The following CAMK4 variants were observed in gnomAD, a reference collection of about 807,000 sequenced individuals.
The protein encoded by CAMK4 is calcium/calmodulin-dependent protein kinase type IV.
In CAMK4, 22 loss-of-function variants were observed where a neutral mutation model predicts 44.9. That is an observed-to-expected ratio of 0.49 (90% CI 0.35 to 0.70). The LOEUF (loss-of-function observed/expected upper bound fraction) is 0.70, where lower values mean the gene tolerates loss of function less well. Ranked by LOEUF, CAMK4 falls within the 30% of genes least tolerant of loss-of-function variation. The pLI is 0.01. For synonymous variants in CAMK4, 218 were observed against 215.4 expected, an observed-to-expected ratio of 1.01 and a Z score of -0.11; for missense variants, 498 against 586.8, an observed-to-expected ratio of 0.85 and a Z score of 1.56.
At chr5:111,269,883 G>T (rs148381287) in intron 1 of CAMK4, 1 of 152,232 alleles carries the variant, frequency 6.6e-6, no homozygotes, top group East Asian at 1.9e-4. Flanking sequence ...AGTCTGTCCC[G>T]TGTTTTTTAG....
intron 2 of CAMK4, among the ~76,000 whole-genome samples, chr5:111,365,792 A>T (rs1750770872): frequency 6.6e-6 from 1 of 152,138 alleles, no homozygotes; most frequent in South Asian, 2.1e-4. Flanking sequence ...GAACAAGAGG[A>T]TAAAGATAAA....
rs1247182925 is a variant in CAMK4, at chr5:111,446,792, C to G, written c.550+16C>G. The G allele has an allele frequency of 3.3e-6, 5 of 1,526,076 alleles. No individual in the cohort carries two copies. The African/African-American group carries it at 5.5e-5, about 17-fold the overall frequency. 94.5% of individuals were successfully genotyped at this position (1,526,076 alleles called of 1,614,324 possible). The stretch of plus-strand genomic sequence containing the variant: ...CTCAAAATCGGTGAGAACATTTCTT[C>G]TTGTTTTGTGACCCCTTTTTTCAGA... On this transcript the variant is annotated intron_variant, in intron 6 of 10. Transcript: ENST00000282356.
intron 4 of CAMK4, among the ~76,000 whole-genome samples, chr5:111,393,991 G>A (rs1012978868): frequency 6.6e-6 from 1 of 151,234 alleles, no homozygotes; most frequent in Non-Finnish European, 1.5e-5. Context: ...AGGGATGAAA[G>A]GGAAGGATGG....
intron 1 of CAMK4, among the ~76,000 whole-genome samples, chr5:111,259,298 TA>T (rs778818357): frequency 6.6e-6 from 1 of 152,208 alleles, no homozygotes; most frequent in Non-Finnish European, 1.5e-5. Flanking sequence ...AGTCTCTAAA[TA>T]AATGGAAAAT....
rs150642262 is a variant in CAMK4 at position 111,442,863 on chromosome 5, C to A, written c.460-3823C>A. Among the ~76,000 whole-genome samples the A allele has an allele frequency of 9.5e-3, 1,418 of 149,202 alleles. 13 individuals are homozygous for A. The highest frequency in any genetic ancestry group is 0.014 in the Non-Finnish European group (939 of 67,386). Reference sequence around the variant, plus strand: ...AATAAGCAATGTCATGAGCTTATTGCTTTTTCAAAATTAATAGGCATTTTA... The same window carrying A: ...AATAAGCAATGTCATGAGCTTATTGATTTTTCAAAATTAATAGGCATTTTA... On this transcript the variant is annotated intron_variant, in intron 5 of 10. Coordinates refer to ENST00000282356, the MANE Select transcript of CAMK4 (RefSeq NM_001744.6).
At chr5:111,436,536 C>G (rs1366683651) in intron 5 of CAMK4, among the ~76,000 whole-genome samples, 1 of 152,212 alleles carries the variant, frequency 6.6e-6, no homozygotes, top group Non-Finnish European at 1.5e-5. Context: ...TCTGAGACTT[C>G]TGGGCCATAC....
chr5:111,308,692 A>G (rs1748052955), intron 1 of CAMK4, among the ~76,000 whole-genome samples: 1 of 152,182 alleles, frequency 6.6e-6, no homozygotes, highest in Non-Finnish European at 1.5e-5. Context: ...GTTATGTAAA[A>G]TTCTCCTAGA....
chr5:111,271,217 T>A (rs149722985), intron 1 of CAMK4, among the ~76,000 whole-genome samples: 14 of 152,344 alleles, frequency 9.2e-5, no homozygotes, highest in African/African-American at 3.4e-4. Flanking sequence ...GTGGAACACG[T>A]ATCTGGTAAT....
At chr5:111,363,305 C>A (rs1003309121) in intron 2 of CAMK4, among the ~76,000 whole-genome samples, 1 of 152,074 alleles carries the variant, frequency 6.6e-6, no homozygotes, top group Non-Finnish European at 1.5e-5. Flanking sequence ...CAATTCTAAT[C>A]TCATCTAACT....
intron 2 of CAMK4, among the ~76,000 whole-genome samples, chr5:111,371,151 A>G (rs395693): frequency 0.91 from 138,415 of 152,120 alleles, 63,074 homozygotes; most frequent in East Asian, 1. Context: ...ATTACCTCCT[A>G]GACCATGCTG....
intron 5 of CAMK4, among the ~76,000 whole-genome samples, chr5:111,397,199 G>GT (rs1752050596): frequency 6.6e-6 from 1 of 152,212 alleles, no homozygotes; most frequent in Non-Finnish European, 1.5e-5. Flanking sequence ...GCTAGGTTTG[G>GT]TTTTTAGATG....
intron 2 of CAMK4, among the ~76,000 whole-genome samples, chr5:111,351,656 C>T (rs1039471680): frequency 1.3e-5 from 2 of 149,356 alleles, no homozygotes; most frequent in Non-Finnish European, 2.9e-5. Context: ...AGGTGATCCA[C>T]CTGCCTCGGC....
rs34618322 is a variant in CAMK4, at chr5:111,424,434, C to CTTTTTT, written c.460-22229_460-22224dup. Among the ~76,000 whole-genome samples, 68 of 64,920 alleles carry CTTTTTT rather than the reference C, an allele frequency of 1.0e-3. 1 individual carries two copies. Among genetic ancestry groups the CTTTTTT allele is most frequent in the East Asian group, 2.6e-3 (5 of 1,918 alleles). 42.6% of individuals were successfully genotyped at this position (64,920 alleles called of 152,430 possible). ...TATATGCATATATGCATCTTCTATT[C>CTTTTTT]TTTTTTTTTTTTTTTTTTTTTTTTT... On this transcript the variant is annotated intron_variant, in intron 5 of 10. Coordinates refer to ENST00000282356, the MANE Select transcript of CAMK4 (RefSeq NM_001744.6).
chr5:111,341,822 T>C (rs2112748123), intron 1 of CAMK4, among the ~76,000 whole-genome samples: 1 of 151,404 alleles, frequency 6.6e-6, no homozygotes, highest in South Asian at 2.1e-4. Flanking sequence ...TTGCATGGGG[T>C]CATGTAGCTA....
At chr5:111,471,673 A>C (rs948654327) in intron 7 of CAMK4, among the ~76,000 whole-genome samples, 5 of 152,226 alleles carry the variant, frequency 3.3e-5, no homozygotes, top group Admixed American at 3.3e-4. Context: ...TTTGGTACAA[A>C]AAATTGTGAA....
At chr5:111,313,097 AG>A (rs1239309980) in intron 1 of CAMK4, among the ~76,000 whole-genome samples, 7 of 152,104 alleles carry the variant, frequency 4.6e-5, no homozygotes, top group Non-Finnish European at 1.0e-4. Context: ...AACTTAAGCC[AG>A]GGTTTCTCAA....
chr5:111,313,838 T>A (rs1170971964), intron 1 of CAMK4, among the ~76,000 whole-genome samples: 3 of 152,128 alleles, frequency 2.0e-5, no homozygotes, highest in African/African-American at 7.2e-5. Flanking sequence ...CTTACTGTGG[T>A]GGAGTCAGAA....
chr5:111,248,776 T>A (rs1383010596), intron 1 of CAMK4, among the ~76,000 whole-genome samples: 1 of 152,164 alleles, frequency 6.6e-6, no homozygotes, highest in Non-Finnish European at 1.5e-5. Context: ...TCATATGGTC[T>A]AGAGTCTAGA....
chr5:111,249,171 G>GTTTCC (rs1184797535), intron 1 of CAMK4, among the ~76,000 whole-genome samples: 1 of 152,096 alleles, frequency 6.6e-6, no homozygotes, highest in Non-Finnish European at 1.5e-5. Context: ...GGGCATATTA[G>GTTTCC]TTTCCTATTC....
Sources: gnomAD v4.1 joint callset for allele counts (sites outside exome capture counted in the v4.1 genomes callset) on GRCh38, gnomAD v4.1.1 for gene constraint, MANE v1.5 for transcripts, NCBI Gene and HGNC (gene_info 2026-07-23, HGNC 2026-07-21) for gene names.